The following DCC variants were observed in gnomAD, a reference collection of about 807,000 sequenced individuals.
DCC encodes the protein DCC netrin 1 receptor.
Under a neutral mutation model 172.5 loss-of-function variants are expected in DCC, and 58 were observed. The ratio of observed to expected loss-of-function variants is 0.34; its 90% CI spans 0.27 to 0.42. The LOEUF (loss-of-function observed/expected upper bound fraction) is 0.42, where lower values mean the gene tolerates loss of function less well. Ranked by LOEUF, DCC falls within the 10% of genes least tolerant of loss-of-function variation. The pLI is 1.00. For synonymous variants in DCC, 709 were observed against 644.5 expected (o/e 1.10, Z -1.52); for missense variants, 1,740 against 1,791.0 (o/e 0.97, Z 0.51).
intron 1 of DCC, among the ~76,000 whole-genome samples, chr18:52,735,158 C>T (rs1393849040): frequency 6.6e-6 from 1 of 152,126 alleles, no homozygotes; most frequent in Non-Finnish European, 1.5e-5. Context: ...CACTCAGGGT[C>T]TTCTGATTTG....
At position 52,893,063 on chromosome 18, in the gene DCC, C is replaced by A. The variant is rs369634139; in HGVS notation, c.413-12981C>A. On this transcript the variant is annotated intron_variant, in intron 2 of 28. Transcript: ENST00000442544. ...ATTTGATGTGAATCTTAGCTATTACCAAATTAACTTTAATGAATTATATAA... is the reference window on the plus strand; with the variant it reads ...ATTTGATGTGAATCTTAGCTATTACAAAATTAACTTTAATGAATTATATAA... Among the ~76,000 whole-genome samples the A allele has an allele frequency of 9.2e-5, 14 of 151,996 alleles. No homozygotes were observed. In the East Asian group the frequency reaches 1.9e-3, roughly 21 times the overall value.
intron 5 of DCC, among the ~76,000 whole-genome samples, chr18:53,030,719 G>T (rs1336291236): frequency 6.6e-6 from 1 of 152,116 alleles, no homozygotes; most frequent in East Asian, 1.9e-4. Flanking sequence ...GCATCATCCT[G>T]GTGGGAGAAA....
chr18:52,541,765 T>C (rs1325385477), intron 1 of DCC, among the ~76,000 whole-genome samples: 1 of 151,496 alleles, frequency 6.6e-6, no homozygotes, highest in Non-Finnish European at 1.5e-5. Context: ...ACCTGGTCCC[T>C]CTCCACTTTA....
chr18:53,300,279 G>A (rs1431192), intron 12 of DCC, among the ~76,000 whole-genome samples: 5,352 of 152,178 alleles, frequency 0.035, 334 homozygotes, highest in African/African-American at 0.12. Flanking sequence ...CTTAGAGCAG[G>A]GTAAAATTTG....
intron 13 of DCC, among the ~76,000 whole-genome samples, chr18:53,312,153 CAA>C (rs895203731): frequency 7.5e-5 from 2 of 26,710 alleles, no homozygotes; most frequent in Non-Finnish European, 1.3e-4. Context: ...GCTAAAAATA[CAA>C]AAAAAAAAAA....
intron 1 of DCC, among the ~76,000 whole-genome samples, chr18:52,636,321 G>A (rs1204399761): frequency 1.3e-5 from 2 of 152,124 alleles, no homozygotes; most frequent in African/African-American, 4.8e-5. Context: ...TTTGAACGGG[G>A]TGAGAAGCCT....
chr18:52,698,298 T>C (rs1371943751), intron 1 of DCC, among the ~76,000 whole-genome samples: 1 of 152,214 alleles, frequency 6.6e-6, no homozygotes, highest in Non-Finnish European at 1.5e-5. Flanking sequence ...ATGTTGAGCT[T>C]CTTAGAAATT....
intron 15 of DCC, among the ~76,000 whole-genome samples, chr18:53,367,709 A>G (rs62098036): frequency 0.51 from 77,925 of 151,750 alleles, 20,658 homozygotes; most frequent in Non-Finnish European, 0.55. Flanking sequence ...GGCAGCCACC[A>G]CACTAATTTC....
intron 2 of DCC, among the ~76,000 whole-genome samples, chr18:52,833,141 C>G (rs1367830153): frequency 6.6e-6 from 1 of 152,094 alleles, no homozygotes; most frequent in Non-Finnish European, 1.5e-5. Flanking sequence ...AACTCACTGG[C>G]ACATATCTTC....
chr18:52,839,902 C>T (rs914836144), intron 2 of DCC, among the ~76,000 whole-genome samples: 2 of 152,204 alleles, frequency 1.3e-5, no homozygotes, highest in African/African-American at 4.8e-5. Flanking sequence ...CTTGCACTTC[C>T]AGTTGCAGAT....
At chr18:53,060,234 A>C (rs990953208) in intron 5 of DCC, among the ~76,000 whole-genome samples, 1 of 151,912 alleles carries the variant, frequency 6.6e-6, no homozygotes, top group African/African-American at 2.4e-5. Context: ...GGGTTTCACT[A>C]TGTTGGCCAG....
At chr18:52,356,674 G>A (rs16954754) in intron 1 of DCC, among the ~76,000 whole-genome samples, 2,792 of 152,152 alleles carry the variant, frequency 0.018, 68 homozygotes, top group African/African-American at 0.064. Flanking sequence ...CTATCAAGTG[G>A]GCAAAATGGC....
At chr18:52,639,025 A>G (rs1489809707) in intron 1 of DCC, among the ~76,000 whole-genome samples, 1 of 152,190 alleles carries the variant, frequency 6.6e-6, no homozygotes, top group Non-Finnish European at 1.5e-5. Flanking sequence ...AACCATGCAT[A>G]TACATGGAAA....
chr18:53,229,536 T>A (rs1050682996), intron 12 of DCC, among the ~76,000 whole-genome samples: 4 of 152,072 alleles, frequency 2.6e-5, no homozygotes, highest in African/African-American at 4.8e-5. Context: ...AAAATACACA[T>A]CTCCTCCCAG....
At chr18:53,445,803 C>T (rs1912559086) in intron 22 of DCC, among the ~76,000 whole-genome samples, 2 of 151,596 alleles carry the variant, frequency 1.3e-5, no homozygotes, top group Non-Finnish European at 2.9e-5. Context: ...AATGGAATGC[C>T]CATGAGATGG....
At chr18:52,825,736 A>G (rs1160485835) in intron 2 of DCC, among the ~76,000 whole-genome samples, 1 of 151,994 alleles carries the variant, frequency 6.6e-6, no homozygotes, top group East Asian at 1.9e-4. Flanking sequence ...CAAGCCTCAA[A>G]CTGTTCTGCT....
At chr18:52,897,471 A>T (rs1241807352) in intron 2 of DCC, among the ~76,000 whole-genome samples, 6 of 152,306 alleles carry the variant, frequency 3.9e-5, no homozygotes, top group Non-Finnish European at 8.8e-5. Flanking sequence ...GTCACATAGA[A>T]CCTCAACCAA....
intron 5 of DCC, among the ~76,000 whole-genome samples, chr18:53,027,555 T>A (rs984025260): frequency 6.6e-6 from 1 of 152,112 alleles, no homozygotes; most frequent in African/African-American, 2.4e-5. Flanking sequence ...GAGCTTCAGG[T>A]CCTCTGTAGG....
chr18:52,407,269 G>T (rs984114489), intron 1 of DCC, among the ~76,000 whole-genome samples: 1 of 152,054 alleles, frequency 6.6e-6, no homozygotes, highest in Non-Finnish European at 1.5e-5. Context: ...GTACCTTAGC[G>T]TTGAAGGTGA....
Sources: gnomAD v4.1 joint callset for allele counts (sites outside exome capture counted in the v4.1 genomes callset) on GRCh38, gnomAD v4.1.1 for gene constraint, MANE v1.5 for transcripts, NCBI Gene and HGNC (gene_info 2026-07-23, HGNC 2026-07-21) for gene names.